The following ADRA1D variants were observed in gnomAD, a reference collection of about 807,000 sequenced individuals.
The protein encoded by ADRA1D is alpha-1D adrenergic receptor.
ADRA1D carries 22 observed loss-of-function variants against 18.6 expected under a neutral mutation model. The observed-to-expected ratio is 1.19, with a 90% CI of 0.85 to 1.69. ADRA1D has a LOEUF of 1.69. Ranked by LOEUF, ADRA1D falls within the 40% of genes most tolerant of loss-of-function variation. ADRA1D has a pLI of 0.00. For synonymous variants in ADRA1D, 376 were observed against 388.2 expected (o/e 0.97, Z 0.37); for missense variants, 840 against 840.7 (o/e 1.00, Z 0.01).
At chr20:4,247,422 T>A (rs531403860) in intron 1 of ADRA1D, among the ~76,000 whole-genome samples, 1 of 152,288 alleles carries the variant, frequency 6.6e-6, no homozygotes, top group South Asian at 2.1e-4. Flanking sequence ...ATGTACCTGC[T>A]GACTGGCCAG....
At chr20:4,229,338 G>A (rs1180505488) in intron 1 of ADRA1D, among the ~76,000 whole-genome samples, 1 of 152,136 alleles carries the variant, frequency 6.6e-6, no homozygotes, top group Admixed American at 6.5e-5. Context: ...GGGGAAGACA[G>A]GAAATAAACA....
intron 1 of ADRA1D, among the ~76,000 whole-genome samples, chr20:4,225,073 C>A (rs189191812): frequency 2.6e-4 from 39 of 149,404 alleles, no homozygotes; most frequent in Admixed American, 2.6e-3. Flanking sequence ...GCGATCTCGG[C>A]TCACTGCAAC....
At chr20:4,227,717 T>TCCTTCCTTCCTTCCTCCCTC (rs1980847668) in intron 1 of ADRA1D, among the ~76,000 whole-genome samples, 1 of 86,578 alleles carries the variant, frequency 1.2e-5, no homozygotes, top group African/African-American at 3.7e-5. Flanking sequence ...CTTCCTTCCT[T>TCCTTCCTTCCTTCCTCCCTC]CCTTCCTTCC....
chr20:4,246,223 G>T (rs2122679701), intron 1 of ADRA1D, among the ~76,000 whole-genome samples: 1 of 152,244 alleles, frequency 6.6e-6, no homozygotes, highest in Middle Eastern at 3.4e-3. Context: ...ACACAGCCCT[G>T]CCCTCACACA....
rs774950100 is a variant in ADRA1D, at chr20:4,221,753, A to T, written c.1489T>A (p.Trp497Arg). 1.3e-6 allele frequency: 2 copies of T among 1,599,594 alleles called. No individual in the cohort carries two copies. Among genetic ancestry groups the T allele is most frequent in the East Asian group, 4.5e-5 (2 of 44,586 alleles). ...RRKPPSAFRE[W>R]RLLGPFRRPT... ...CTCCGGAACGGCCCCAGCAGCCTCC[A>T]CTCGCGGAAGGCGCTGGGTGGCTTT... The change falls in exon 2 of 2, where the codon TGG (tryptophan) becomes AGG (arginine). Residue 497 changes from tryptophan to arginine, a missense_variant. By Grantham distance (101) the Trp-to-Arg change is moderately radical (BLOSUM62 -3). Coordinates refer to ENST00000379453, the MANE Select transcript of ADRA1D (RefSeq NM_000678.4).
chr20:4,235,343 C>T (rs1446144581), intron 1 of ADRA1D, among the ~76,000 whole-genome samples: 1 of 152,208 alleles, frequency 6.6e-6, no homozygotes, highest in Non-Finnish European at 1.5e-5. Flanking sequence ...GCCTGTCCCG[C>T]ATCCTCTTGC....
At position 4,248,514 on chromosome 20, in the gene ADRA1D, G is replaced by A. The variant is rs1329859184; in HGVS notation, c.444C>T (p.Thr148=). The change falls in exon 1 of 2, where the codon ACC becomes ACT. Residue 148 remains threonine, a synonymous_variant. Coordinates refer to ENST00000379453, the MANE Select transcript of ADRA1D (RefSeq NM_000678.4). The part of the protein sequence containing the change: ...LAVADLLLSA[T]VLPFSATMEV... ...CCATGGTGGCCGAGAAGGGCAGTAC[G>A]GTGGCGCTCAGCAGCAGGTCGGCCA... 3.1e-6 allele frequency: 5 copies of A among 1,613,862 alleles called. No individual in the cohort carries two copies. The highest frequency in any genetic ancestry group is 4.5e-5 in the East Asian group (2 of 44,870).
intron 1 of ADRA1D, among the ~76,000 whole-genome samples, chr20:4,231,036 CTTTTT>C (rs907810351): frequency 3.8e-5 from 4 of 105,856 alleles, no homozygotes; most frequent in Non-Finnish European, 7.8e-5. Flanking sequence ...CTCTTTCTTT[CTTTTT>C]CTTTCTTTCT....
chr20:4,236,392 G>T (rs1204908391), intron 1 of ADRA1D, among the ~76,000 whole-genome samples: 3 of 152,204 alleles, frequency 2.0e-5, no homozygotes, highest in Non-Finnish European at 4.4e-5. Context: ...TGGGAAAACA[G>T]AACAGACTGA....
chr20:4,231,903 G>GGTTTTC (rs1980978629), intron 1 of ADRA1D, among the ~76,000 whole-genome samples: 1 of 152,060 alleles, frequency 6.6e-6, no homozygotes. Flanking sequence ...CCCACCTCTG[G>GGTTTTC]GTTTTCTTTT....
At position 4,248,237 on chromosome 20, in the gene ADRA1D, G is replaced by C; in HGVS notation, c.721C>G (p.Pro241Ala). 1.2e-6 allele frequency: 2 copies of C among 1,604,422 alleles called. No homozygotes were observed. The highest frequency in any genetic ancestry group is 1.1e-5 in the South Asian group (1 of 89,404). Residue 241 changes from proline to alanine, a missense_variant, in exon 1 of 2, where the codon CCT (proline) becomes GCT (alanine). By Grantham distance (27) the Pro-to-Ala change is conservative. Transcript: ENST00000379453. The stretch of plus-strand genomic sequence containing the variant: ...GTGATACCGCAGAAGCGCTCGTCAG[G>C]GGGCACGGGCTCCTTCCAGCCCAGC... ...PLLGWKEPVP[P>A]DERFCGITEE... is the part of the protein sequence containing the mutation.
chr20:4,228,384 T>C (rs541889508), intron 1 of ADRA1D, among the ~76,000 whole-genome samples: 37 of 152,254 alleles, frequency 2.4e-4, no homozygotes, highest in Non-Finnish European at 4.6e-4. Flanking sequence ...TAGACAATGA[T>C]GGAAGTGTTG....
intron 1 of ADRA1D, among the ~76,000 whole-genome samples, chr20:4,231,913 T>A (rs201871386): frequency 6.6e-6 from 1 of 152,112 alleles, no homozygotes; most frequent in South Asian, 2.1e-4. Context: ...GGTTTTCTTT[T>A]TCTTTTTTCT....
intron 1 of ADRA1D, among the ~76,000 whole-genome samples, chr20:4,237,459 G>GAAAAAAA (rs35448645): frequency 7.3e-6 from 1 of 136,754 alleles, no homozygotes; most frequent in Non-Finnish European, 1.6e-5. Flanking sequence ...TCCATCTCTT[G>GAAAAAAA]AAAAAAAAAA....
rs767582175 is a variant in ADRA1D, at chr20:4,222,162, T to A, written c.1112-32A>T. Reference sequence around the variant, plus strand: ...GGAGCAGAGACCGATACTATTTAGCTGCTTGGGGAGGGGGAGGCCAGGCGG... The same window carrying A: ...GGAGCAGAGACCGATACTATTTAGCAGCTTGGGGAGGGGGAGGCCAGGCGG... On this transcript the variant is annotated intron_variant, in intron 1 of 1. Transcript: ENST00000379453. This position sits in a 1 kb window ranked among gnomAD's most constrained non-coding sequence, Gnocchi z 4.3. 7.5e-6 allele frequency: 12 copies of A among 1,595,760 alleles called. No homozygotes were observed. The Admixed American group carries it at 8.6e-5, about 11-fold the overall frequency.
At chr20:4,235,843 G>C (rs924186293) in intron 1 of ADRA1D, among the ~76,000 whole-genome samples, 3 of 152,214 alleles carry the variant, frequency 2.0e-5, no homozygotes, top group African/African-American at 7.2e-5. Context: ...GGGGCTGGGG[G>C]GTGCACGGCA....
rs71901636 is a variant in ADRA1D at position 4,224,715 on chromosome 20, A to AG, written c.1112-2586dup. ...CTGTGAGACCAAGCAGGCCAGGGGTAGGGGGGGGTCCTTAACAAATTATGG... is the reference window on the plus strand; with the variant it reads ...CTGTGAGACCAAGCAGGCCAGGGGTAGGGGGGGGGTCCTTAACAAATTATGG... On this transcript the variant is annotated intron_variant, in intron 1 of 1. Transcript: ENST00000379453. Among the ~76,000 whole-genome samples, 446 of 107,694 alleles carry AG rather than the reference A, an allele frequency of 4.1e-3. 9 individuals are homozygous for AG. Among genetic ancestry groups the AG allele is most frequent in the Non-Finnish European group, 4.9e-3 (234 of 47,324 alleles). The allele number at this position is 107,694 out of a possible 152,430, so 70.7% of individuals were successfully genotyped here. A position where few individuals can be genotyped will look rare whatever the true frequency, so the allele number is the denominator to read the frequency against.
At chr20:4,223,568 A>T (rs1206804930) in intron 1 of ADRA1D, among the ~76,000 whole-genome samples, 6 of 152,152 alleles carry the variant, frequency 3.9e-5, no homozygotes, top group African/African-American at 1.4e-4. Flanking sequence ...TGGGGTGATG[A>T]TGGTGGTGCT....
chr20:4,247,425 C>T (rs1981359266), intron 1 of ADRA1D, among the ~76,000 whole-genome samples: 1 of 152,166 alleles, frequency 6.6e-6, no homozygotes, highest in Non-Finnish European at 1.5e-5. Flanking sequence ...TACCTGCTGA[C>T]TGGCCAGGGC....
Sources: allele counts gnomAD v4.1 joint callset (sites outside exome capture counted in the v4.1 genomes callset), GRCh38; gene constraint gnomAD v4.1.1; non-coding constraint Gnocchi (gnomAD v3.1); transcripts MANE v1.5; gene names NCBI Gene and HGNC (gene_info 2026-07-23, HGNC 2026-07-21).